Variants in GLCCI1 observed in about 807,000 individuals in gnomAD.
The protein encoded by GLCCI1 is glucocorticoid induced 1.
Under a neutral mutation model 52.2 loss-of-function variants are expected in GLCCI1, and 24 were observed. The ratio of observed to expected loss-of-function variants is 0.46; its 90% confidence interval spans 0.33 to 0.65. GLCCI1 has a LOEUF of 0.65. GLCCI1 is among the 30% of genes least tolerant of loss of function. GLCCI1 has a pLI of 0.02. For synonymous variants in GLCCI1, 310 were observed against 276.5 expected (o/e 1.12, Z -1.20); for missense variants, 704 against 701.5 (o/e 1.00, Z -0.04).
At chr7:8,054,285 A>G (rs1782335155) in intron 3 of GLCCI1, among the ~76,000 whole-genome samples, 1 of 151,924 alleles carries the variant, frequency 6.6e-6, no homozygotes, top group South Asian at 2.1e-4. Flanking sequence ...CAAGAAAATT[A>G]TGTCAGTTCA....
intron 1 of GLCCI1, among the ~76,000 whole-genome samples, chr7:7,975,049 T>C (rs36015287): frequency 0.023 from 3,438 of 152,246 alleles, 61 homozygotes; most frequent in East Asian, 0.086. Context: ...TATATTGATA[T>C]AGAAAGCCTA....
Position 7,987,265 on chromosome 7 carries a change from T to C in GLCCI1, c.458-16643T>C, listed in dbSNP as rs1273604349. 2.6e-5 allele frequency among the ~76,000 whole-genome samples: 4 copies of C among 152,306 alleles called. No homozygotes were observed. In the East Asian group the frequency reaches 7.7e-4, roughly 29 times the overall value. On this transcript the variant is annotated intron_variant, in intron 1 of 7. Coordinates refer to ENST00000223145, the MANE Select transcript of GLCCI1 (RefSeq NM_138426.4). ...ATACTTGTGCCTCTAATATACATGA[T>C]TTTTGCCTGAAAACCCTAGCCGTTC...
chr7:8,079,185 C>T (rs1782938377), intron 6 of GLCCI1, among the ~76,000 whole-genome samples: 1 of 151,542 alleles, frequency 6.6e-6, no homozygotes, highest in Non-Finnish European at 1.5e-5. Flanking sequence ...ATTTTTTTTC[C>T]CCACACGTCA....
At chr7:8,040,147 A>G (rs1304327732) in intron 3 of GLCCI1, among the ~76,000 whole-genome samples, 1 of 152,150 alleles carries the variant, frequency 6.6e-6, no homozygotes, top group African/African-American at 2.4e-5. Flanking sequence ...GACCACATGA[A>G]AAGGTGTTCA....
chr7:8,023,061 G>A (rs1463333716), intron 3 of GLCCI1, among the ~76,000 whole-genome samples: 1 of 152,204 alleles, frequency 6.6e-6, no homozygotes, highest in African/African-American at 2.4e-5. Context: ...TGTTGCCCAG[G>A]CTGGAATGCG....
At chr7:8,081,859 TATAA>T (rs1562454090) in intron 6 of GLCCI1, among the ~76,000 whole-genome samples, 1 of 152,210 alleles carries the variant, frequency 6.6e-6, no homozygotes, top group African/African-American at 2.4e-5. Flanking sequence ...GAGTGATTGT[TATAA>T]ATATATAAAA....
At position 7,969,355 on chromosome 7, in the gene GLCCI1, C is replaced by A. The variant is rs1459889704; in HGVS notation, c.5C>A (p.Ser2Tyr). ...TCCAGGGCCCGCAGAGCCACCATGT[C>A]CACTGCCTCCTCCTCCTCCTCCTCC... is the stretch of plus-strand genomic sequence containing the variant. M[S>Y]TASSSSSSSS... The change falls in exon 1 of 8, where the codon TCC becomes TAC. Residue 2 changes from serine to tyrosine, a missense_variant. Physicochemically the swap from Ser to Tyr is moderately radical, Grantham distance 144. Around this residue, in one of 3 missense-constraint regions of GLCCI1, gnomAD observed 547 missense variants for 524.8 expected, o/e 1.04. Coordinates refer to ENST00000223145, the MANE Select transcript of GLCCI1 (RefSeq NM_138426.4). This position sits in a 1 kb window ranked among gnomAD's most constrained non-coding sequence, Gnocchi z 4.9. 3.3e-6 allele frequency: 5 copies of A among 1,493,968 alleles called. No individual in the cohort carries two copies. In the South Asian group the frequency reaches 6.0e-5, roughly 18 times the overall value. The allele number at this position is 1,493,968 out of a possible 1,614,324, so 92.5% of individuals were successfully genotyped here. A position where few individuals can be genotyped will look rare whatever the true frequency, so the allele number is the denominator to read the frequency against.
At chr7:8,010,743 G>T (rs1456274421) in intron 2 of GLCCI1, among the ~76,000 whole-genome samples, 2 of 152,028 alleles carry the variant, frequency 1.3e-5, no homozygotes, top group Non-Finnish European at 2.9e-5. Flanking sequence ...CTTAAAAAAA[G>T]TATTATTAAC....
intron 3 of GLCCI1, among the ~76,000 whole-genome samples, chr7:8,037,977 G>A (rs1271272514): frequency 1.3e-5 from 2 of 152,060 alleles, no homozygotes; most frequent in African/African-American, 2.4e-5. Context: ...GCACTAAATG[G>A]GTCATCAAGA....
chr7:8,073,923 C>G (rs1274148356), intron 6 of GLCCI1, among the ~76,000 whole-genome samples: 3 of 152,280 alleles, frequency 2.0e-5, no homozygotes, highest in Middle Eastern at 3.4e-3. Flanking sequence ...GTGTAGCTCT[C>G]TGTTATGCAA....
chr7:7,992,883 G>A (rs903459507), intron 1 of GLCCI1, among the ~76,000 whole-genome samples: 2 of 151,754 alleles, frequency 1.3e-5, no homozygotes, highest in Non-Finnish European at 2.9e-5. Flanking sequence ...AATAAGTTTT[G>A]ATATCTTTTC....
In GLCCI1 at chr7:8,086,443, G is replaced by A. The variant is rs1783108502; in HGVS notation, c.1549G>A (p.Glu517Lys). The A allele has an allele frequency of 5.6e-6, 9 of 1,614,014 alleles. No individual in the cohort carries two copies. The highest frequency in any genetic ancestry group is 7.6e-6 in the Non-Finnish European group (9 of 1,180,046). Residue 517 changes from glutamate (E) to lysine (K), a missense_variant, in exon 8 of 8, where the codon GAG (glutamate) becomes AAG (lysine). By Grantham distance (56) the Glu-to-Lys change is moderately conservative (BLOSUM62 1). This residue lies in a region of GLCCI1 where 149 missense variants were observed against 152.9 expected (regional missense o/e 0.97). Transcript: ENST00000223145. The surrounding 1 kb of genome is among the most constrained non-coding windows in gnomAD (Gnocchi z 4.4). Reference protein sequence around the residue: ...SDDTSTAGSMEASVQQPSQQQ... With the variant: ...SDDTSTAGSMKASVQQPSQQQ... ...TGACACCAGCACAGCGGGCTCCATG[G>A]AGGCCTCTGTCCAGCAGCCATCCCA...
intron 1 of GLCCI1, among the ~76,000 whole-genome samples, chr7:7,984,357 G>C (rs1368876393): frequency 6.6e-6 from 1 of 152,108 alleles, no homozygotes; most frequent in Admixed American, 6.5e-5. Flanking sequence ...TGCTGACCCT[G>C]AATCTGTTAT....
chr7:8,065,793 G>A (rs1341246044), intron 5 of GLCCI1, among the ~76,000 whole-genome samples: 1 of 152,092 alleles, frequency 6.6e-6, no homozygotes, highest in African/African-American at 2.4e-5. Flanking sequence ...TGCTGGATTT[G>A]GTTTGCTAGT....
intron 1 of GLCCI1, among the ~76,000 whole-genome samples, chr7:7,995,918 T>C (rs1415603986): frequency 6.6e-6 from 1 of 152,086 alleles, no homozygotes. Context: ...ATAAAATAAA[T>C]TTTAAGTTCA....
intron 3 of GLCCI1, among the ~76,000 whole-genome samples, chr7:8,051,146 G>T (rs906674722): frequency 2.2e-4 from 34 of 152,144 alleles, no homozygotes; most frequent in African/African-American, 8.2e-4. Flanking sequence ...GTTTAAAATT[G>T]TATTACTGGC....
intron 2 of GLCCI1, among the ~76,000 whole-genome samples, chr7:8,009,259 A>G (rs1406383362): frequency 1.3e-5 from 2 of 152,230 alleles, no homozygotes; most frequent in African/African-American, 2.4e-5. Context: ...TGAACTTGCA[A>G]TTAAGGTTAC....
At chr7:8,025,548 A>T (rs924131085) in intron 3 of GLCCI1, among the ~76,000 whole-genome samples, 1 of 152,160 alleles carries the variant, frequency 6.6e-6, no homozygotes, top group Admixed American at 6.5e-5. Flanking sequence ...GAGGAAAAAA[A>T]AATTAAAGTT....
At chr7:8,073,955 A>G (rs1248669072) in intron 6 of GLCCI1, among the ~76,000 whole-genome samples, 7 of 152,228 alleles carry the variant, frequency 4.6e-5, no homozygotes, top group Admixed American at 1.3e-4. Flanking sequence ...TAGTTCTCAA[A>G]TCAAATACCA....
Sources: gnomAD v4.1 joint callset for allele counts (sites outside exome capture counted in the v4.1 genomes callset) on GRCh38, gnomAD v4.1.1 for gene constraint, gnomAD v4.1.1 regional missense constraint, Gnocchi (gnomAD v3.1) non-coding constraint, MANE v1.5 for transcripts, NCBI Gene and HGNC (gene_info 2026-07-23, HGNC 2026-07-21) for gene names.